Variants in PLAAT3 observed in about 807,000 individuals in gnomAD.
The protein encoded by PLAAT3 is Ca-independent phospholipase A1/2.
In PLAAT3, 21 loss-of-function variants were observed where a neutral mutation model predicts 16.7. That is an observed-to-expected ratio of 1.26 (90% CI 0.89 to 1.81). The LOEUF (loss-of-function observed/expected upper bound fraction) is 1.81. Ranked by LOEUF, PLAAT3 falls within the 40% of genes most tolerant of loss-of-function variation. The probability of loss-of-function intolerance (pLI) is 0.00; values close to 1 mark genes in which losing one functional copy is unlikely to be tolerated. For synonymous variants in PLAAT3, 76 were observed against 81.7 expected (o/e 0.93, Z 0.38); for missense variants, 219 against 213.7 (o/e 1.02, Z -0.16).
intron 2 of PLAAT3, among the ~76,000 whole-genome samples, chr11:63,606,861 C>T (rs1938580900): frequency 6.6e-6 from 1 of 152,226 alleles, no homozygotes; most frequent in Non-Finnish European, 1.5e-5. Flanking sequence ...CAGCGCTACA[C>T]CTTTGCCTCT....
At chr11:63,584,497 C>CT (rs1009560736) in intron 4 of PLAAT3, among the ~76,000 whole-genome samples, 7 of 128,036 alleles carry the variant, frequency 5.5e-5, no homozygotes, top group Admixed American at 1.8e-4. Flanking sequence ...TAATCATAAA[C>CT]TTTTTTTTTT....
At chr11:63,613,130 G>T (rs1330096128) in intron 2 of PLAAT3, among the ~76,000 whole-genome samples, 2 of 152,122 alleles carry the variant, frequency 1.3e-5, no homozygotes, top group African/African-American at 4.8e-5. Flanking sequence ...TTCACTCTGC[G>T]GCAGGGCTCG....
chr11:63,614,991 T>G (rs1938795449), upstream of PLAAT3, among the ~76,000 whole-genome samples: 1 of 142,386 alleles, frequency 7.0e-6, no homozygotes, highest in Non-Finnish European at 1.5e-5. Context: ...CTCTAGCCTG[T>G]GCAACAAAGC....
At chr11:63,579,233 G>A (rs1937718013) in intron 4 of PLAAT3, among the ~76,000 whole-genome samples, 1 of 152,220 alleles carries the variant, frequency 6.6e-6, no homozygotes, top group Admixed American at 6.5e-5. Flanking sequence ...ACAAGTGCTG[G>A]AGAGGATATG....
upstream of PLAAT3, among the ~76,000 whole-genome samples, chr11:63,615,625 A>G (rs745327982): frequency 5.1e-4 from 77 of 152,046 alleles, 1 homozygote; most frequent in Non-Finnish European, 9.9e-4. Flanking sequence ...AGAATTCTGT[A>G]CAGACCTTGT....
At chr11:63,600,835 C>T (rs1938407622) in intron 2 of PLAAT3, among the ~76,000 whole-genome samples, 1 of 151,066 alleles carries the variant, frequency 6.6e-6, no homozygotes. Context: ...AACTCCCAAC[C>T]TCAGGTGATC....
At chr11:63,605,971 T>G (rs984267943) in intron 2 of PLAAT3, among the ~76,000 whole-genome samples, 1 of 152,160 alleles carries the variant, frequency 6.6e-6, no homozygotes, top group Non-Finnish European at 1.5e-5. Context: ...GGTTCCTGAC[T>G]CCAAGCCTGC....
intron 4 of PLAAT3, among the ~76,000 whole-genome samples, chr11:63,576,970 GAACA>G (rs1160599124): frequency 6.6e-6 from 1 of 152,086 alleles, no homozygotes; most frequent in Non-Finnish European, 1.5e-5. Context: ...AAAATAAAAA[GAACA>G]AATACATATT....
chr11:63,598,217 A>AC, intron 2 of PLAAT3, 54 bp from the exon 3 acceptor site: 3 of 1,266,700 alleles, frequency 2.4e-6, no homozygotes, highest in Non-Finnish European at 3.5e-6. Flanking sequence ...TGGAACCAGG[A>AC]CAGGGCTCAG....
intron 3 of PLAAT3, among the ~76,000 whole-genome samples, chr11:63,590,789 T>C (rs1016599629): frequency 5.9e-5 from 9 of 152,134 alleles, no homozygotes; most frequent in Non-Finnish European, 4.4e-5. Context: ...GGCTGGGTTT[T>C]CCAGAGTCCC....
At chr11:63,608,921 C>T (rs973665063) in intron 2 of PLAAT3, among the ~76,000 whole-genome samples, 2 of 152,180 alleles carry the variant, frequency 1.3e-5, no homozygotes, top group Non-Finnish European at 2.9e-5. Flanking sequence ...GGGATAGGTA[C>T]AGCACCTGAT....
At chr11:63,593,482 A>C (rs1433243630) in intron 3 of PLAAT3, among the ~76,000 whole-genome samples, 1 of 152,230 alleles carries the variant, frequency 6.6e-6, no homozygotes, top group Non-Finnish European at 1.5e-5. Context: ...GGAGAAGAGA[A>C]AGACGAGGCC....
chr11:63,608,349 AG>A (rs1248889370), intron 2 of PLAAT3: 2 of 152,240 alleles, frequency 1.3e-5, no homozygotes, highest in Admixed American at 6.5e-5. Flanking sequence ...ACTGGAGCTA[AG>A]GGAGGTAACA....
intron 2 of PLAAT3, among the ~76,000 whole-genome samples, chr11:63,602,469 A>G (rs1423448179): frequency 6.6e-6 from 1 of 152,068 alleles, no homozygotes; most frequent in African/African-American, 2.4e-5. Context: ...GCTGAATCAA[A>G]ACTAAGAATC....
upstream of PLAAT3, among the ~76,000 whole-genome samples, chr11:63,615,144 A>ATATGTGTATATG (rs1565259757): frequency 2.3e-5 from 2 of 86,612 alleles, no homozygotes; most frequent in Non-Finnish European, 4.8e-5. Context: ...ATATGTGTAT[A>ATATGTGTATATG]TGTGTGTATA....
intron 2 of PLAAT3, among the ~76,000 whole-genome samples, chr11:63,610,307 C>T (rs900774809): frequency 6.6e-6 from 1 of 152,218 alleles, no homozygotes; most frequent in Non-Finnish European, 1.5e-5. Flanking sequence ...CTCAGCAAAG[C>T]GAGTTGCTGC....
intron 4 of PLAAT3, among the ~76,000 whole-genome samples, chr11:63,584,744 T>G (rs1167546471): frequency 6.6e-6 from 1 of 152,092 alleles, no homozygotes; most frequent in Non-Finnish European, 1.5e-5. Flanking sequence ...TCTCCTGACC[T>G]CGTGATCCAC....
intron 2 of PLAAT3, among the ~76,000 whole-genome samples, chr11:63,607,025 G>A (rs1051155847): frequency 4.0e-4 from 61 of 152,162 alleles, no homozygotes; most frequent in Non-Finnish European, 1.3e-4. Flanking sequence ...ACTGCAGAGA[G>A]GGGGGATCTG....
At chr11:63,578,199 C>G (rs2134390145) in intron 4 of PLAAT3, among the ~76,000 whole-genome samples, 1 of 152,008 alleles carries the variant, frequency 6.6e-6, no homozygotes, top group African/African-American at 2.4e-5. Flanking sequence ...TGAAGAATTC[C>G]TTGAACCTGG....
Sources: allele counts gnomAD v4.1 joint callset (sites outside exome capture counted in the v4.1 genomes callset), GRCh38; gene constraint gnomAD v4.1.1; transcripts MANE v1.5; gene names NCBI Gene and HGNC (gene_info 2026-07-23, HGNC 2026-07-21).